The following LRRTM3 variants were observed in gnomAD, a reference collection of about 807,000 sequenced individuals.
LRRTM3 encodes leucine rich repeat transmembrane neuronal 3.
In LRRTM3, 24 loss-of-function variants were observed where a neutral mutation model predicts 44.7. The observed-to-expected ratio is 0.54, with a 90% confidence interval of 0.39 to 0.76. The LOEUF is 0.76. Ranked by LOEUF, LRRTM3 falls within the 30% of genes least tolerant of loss-of-function variation. The probability of loss-of-function intolerance (pLI) is 0.00; values close to 1 mark genes in which losing one functional copy is unlikely to be tolerated. For synonymous variants in LRRTM3, 277 were observed against 278.7 expected (o/e 0.99, Z 0.06); for missense variants, 587 against 702.2 (o/e 0.84, Z 1.85).
At chr10:66,974,639 T>A (rs575356099) in intron 2 of LRRTM3, among the ~76,000 whole-genome samples, 2 of 152,338 alleles carry the variant, frequency 1.3e-5, no homozygotes, top group African/African-American at 4.8e-5. Flanking sequence ...GTATAAGAGT[T>A]TCATTGGTTC....
chr10:67,080,327 G>T (rs1385131639), intron 2 of LRRTM3, among the ~76,000 whole-genome samples: 2 of 152,166 alleles, frequency 1.3e-5, no homozygotes, highest in African/African-American at 2.4e-5. Context: ...CTTTCACAGA[G>T]AATCTGCTGT....
chr10:66,936,820 T>C (rs2140384), intron 2 of LRRTM3, among the ~76,000 whole-genome samples: 42,685 of 152,004 alleles, frequency 0.28, 6,289 homozygotes, highest in Middle Eastern at 0.34. Flanking sequence ...GCTCCCAGAG[T>C]GAGAGCAGGA....
In LRRTM3 at chr10:67,006,658, C is replaced by A. The variant is rs534819038; in HGVS notation, c.1536+78206C>A. On this transcript the variant is annotated intron_variant, in intron 2 of 2. Coordinates refer to ENST00000361320, the MANE Select transcript of LRRTM3 (RefSeq NM_178011.5). ...AATAAAAATTTAAATTCATTTAAAA[C>A]TTGAGTAATTATGATGCCATCAGCA... 8.5e-5 allele frequency among the ~76,000 whole-genome samples: 13 copies of A among 152,214 alleles called. No individual in the cohort carries two copies. In the South Asian group the frequency reaches 2.7e-3, roughly 32 times the overall value.
intron 2 of LRRTM3, among the ~76,000 whole-genome samples, chr10:67,027,556 T>C (rs1178613941): frequency 6.6e-6 from 1 of 151,626 alleles, no homozygotes; most frequent in Non-Finnish European, 1.5e-5. Flanking sequence ...TGCCTCAGCC[T>C]TCCGAGTAGC....
chr10:67,080,895 C>T (rs748765939), intron 2 of LRRTM3, among the ~76,000 whole-genome samples: 3 of 147,644 alleles, frequency 2.0e-5, no homozygotes, highest in Non-Finnish European at 4.5e-5. Context: ...GGCGAGAGAG[C>T]GAGACTCTGT....
At chr10:67,089,751 G>A (rs1857520754) in intron 2 of LRRTM3, among the ~76,000 whole-genome samples, 1 of 151,040 alleles carries the variant, frequency 6.6e-6, no homozygotes, top group African/African-American at 2.4e-5. Context: ...GTGTGTGTGT[G>A]TGGACAGAAA....
rs1330837012 is a variant in LRRTM3 at position 67,099,213 on chromosome 10, G to T, written c.*1417G>T. The T allele has an allele frequency of 6.6e-6, 1 of 151,672 alleles. No individual in the cohort carries two copies. Among genetic ancestry groups the T allele is most frequent in the Admixed American group, 6.6e-5 (1 of 15,176 alleles). The allele number at this position is 151,672 out of a possible 1,614,324, so 9.4% of individuals were successfully genotyped here. A position where few individuals can be genotyped will look rare whatever the true frequency, so the allele number is the denominator to read the frequency against. ...ATAAAGTTCATTCAAATCAAATTAA[G>T]AAAACCTGAGTCTTTAGAAGCTGAA... On this transcript the variant is annotated 3_prime_UTR_variant, in exon 3 of 3. Coordinates refer to ENST00000361320, the MANE Select transcript of LRRTM3 (RefSeq NM_178011.5).
At chr10:66,981,762 A>T (rs188203028) in intron 2 of LRRTM3, among the ~76,000 whole-genome samples, 4 of 152,328 alleles carry the variant, frequency 2.6e-5, no homozygotes, top group African/African-American at 9.6e-5. Flanking sequence ...CTTACCTGAA[A>T]CATACAGTAC....
At chr10:66,929,529 ACACATTC>A (rs1386064413) in intron 2 of LRRTM3, among the ~76,000 whole-genome samples, 7 of 152,196 alleles carry the variant, frequency 4.6e-5, no homozygotes. Context: ...TGTAAAGAGA[ACACATTC>A]CAAGACGTGC....
chr10:67,038,684 A>G (rs1052652170), intron 2 of LRRTM3, among the ~76,000 whole-genome samples: 3 of 152,090 alleles, frequency 2.0e-5, no homozygotes, highest in Non-Finnish European at 2.9e-5. Flanking sequence ...TTTCCTATCA[A>G]TTCCTAAGGT....
chr10:67,052,402 T>TCA (rs1378410967), intron 2 of LRRTM3, among the ~76,000 whole-genome samples: 2 of 151,710 alleles, frequency 1.3e-5, no homozygotes, highest in Non-Finnish European at 2.9e-5. Context: ...TCCATGGGCT[T>TCA]CACTAGGCTG....
In LRRTM3 at chr10:67,052,348, C is replaced by CTCTT. The variant is rs1554906453; in HGVS notation, c.1537-45236_1537-45235insTTCT. On this transcript the variant is annotated intron_variant, in intron 2 of 2. Coordinates refer to ENST00000361320, the MANE Select transcript of LRRTM3 (RefSeq NM_178011.5). ...TCTCTCTCTCTCTCTCTCTCTCTCT[C>CTCTT]TCTCTCATTAAAAGCACTAAGCGGC... Among the ~76,000 whole-genome samples the CTCTT allele has an allele frequency of 1.7e-3, 235 of 134,358 alleles. 19 individuals are homozygous for CTCTT. The highest frequency in any genetic ancestry group is 3.7e-3 in the Middle Eastern group (1 of 272). 88.1% of individuals were successfully genotyped at this position (134,358 alleles called of 152,430 possible). A position where few individuals can be genotyped will look rare whatever the true frequency, so the allele number is the denominator to read the frequency against.
chr10:66,965,564 TG>T (rs762230603), intron 2 of LRRTM3, among the ~76,000 whole-genome samples: 2 of 22,876 alleles, frequency 8.7e-5, no homozygotes, highest in Non-Finnish European at 3.7e-4. Context: ...AAAAAAAAGC[TG>T]TTTTTTTTTT....
At chr10:67,073,060 A>G (rs758631316) in intron 2 of LRRTM3, among the ~76,000 whole-genome samples, 4 of 152,208 alleles carry the variant, frequency 2.6e-5, no homozygotes, top group Admixed American at 1.3e-4. Flanking sequence ...TCCAGTCCTC[A>G]GACCACACTC....
chr10:66,926,707 A>T (rs534166255), intron 1 of LRRTM3, 120 bp downstream of exon 1: 2 of 1,220,466 alleles, frequency 1.6e-6, no homozygotes, highest in Admixed American at 4.3e-5. Flanking sequence ...TAAGACTATG[A>T]ATTTATTTGC....
chr10:66,943,547 G>A (rs1452294046), intron 2 of LRRTM3, among the ~76,000 whole-genome samples: 2 of 149,346 alleles, frequency 1.3e-5, no homozygotes, highest in Non-Finnish European at 3.0e-5. Flanking sequence ...ATTAGCATTG[G>A]CTTCCAGTTA....
intron 2 of LRRTM3, among the ~76,000 whole-genome samples, chr10:67,086,259 T>TA (rs970404965): frequency 1.3e-5 from 2 of 152,042 alleles, no homozygotes; most frequent in African/African-American, 4.8e-5. Flanking sequence ...GGATTTTCTT[T>TA]AAAAAATGTT....
intron 2 of LRRTM3, among the ~76,000 whole-genome samples, chr10:67,001,015 T>G (rs1309788859): frequency 2.6e-5 from 4 of 151,704 alleles, no homozygotes; most frequent in Non-Finnish European, 5.9e-5. Context: ...CGATAAAAAT[T>G]AAATAGGCCA....
intron 2 of LRRTM3, among the ~76,000 whole-genome samples, chr10:66,991,307 A>G (rs1851022051): frequency 6.6e-6 from 1 of 152,196 alleles, no homozygotes; most frequent in South Asian, 2.1e-4. Flanking sequence ...CTAAGTGCCA[A>G]TGTCCAGGAA....
Sources: gnomAD v4.1 joint callset for allele counts (sites outside exome capture counted in the v4.1 genomes callset) on GRCh38, gnomAD v4.1.1 for gene constraint, MANE v1.5 for transcripts, NCBI Gene and HGNC (gene_info 2026-07-23, HGNC 2026-07-21) for gene names.